EHHADH: variants seen among roughly 807,000 people sequenced by gnomAD.
The protein encoded by EHHADH is peroxisomal bifunctional enzyme.
Under a neutral mutation model 64.4 loss-of-function variants are expected in EHHADH, and 48 were observed. That is an observed-to-expected ratio of 0.75 (90% CI 0.59 to 0.95). EHHADH has a LOEUF of 0.95. EHHADH is among the 40% of genes least tolerant of loss of function. EHHADH has a pLI of 0.00. For synonymous variants in EHHADH, 308 were observed against 326.7 expected (o/e 0.94, Z 0.62); for missense variants, 854 against 876.6 (o/e 0.97, Z 0.33).
At chr3:185,245,388 A>T in intron 2 of EHHADH, 2 of 501,310 alleles carry the variant, frequency 4.0e-6, no homozygotes, top group South Asian at 3.0e-5. Flanking sequence ...ATACAATGGT[A>T]TATCCACTCT....
intron 3 of EHHADH, 52 bp downstream of exon 3, chr3:185,235,238 C>T: frequency 6.7e-7 from 1 of 1,493,546 alleles, no homozygotes; most frequent in African/African-American, 1.4e-5. Context: ...TTAGAGTTTG[C>T]CCTAAAGAAA....
intron 4 of EHHADH, among the ~76,000 whole-genome samples, chr3:185,225,806 T>C (rs566560962): frequency 6.6e-6 from 1 of 152,192 alleles, no homozygotes; most frequent in South Asian, 2.1e-4. Flanking sequence ...CTTGCTATTT[T>C]CTGTATGTGG....
chr3:185,212,279 T>C (rs1718560756), intron 5 of EHHADH, among the ~76,000 whole-genome samples: 1 of 152,226 alleles, frequency 6.6e-6, no homozygotes, highest in Non-Finnish European at 1.5e-5. Context: ...GCTAAATCCA[T>C]TGCACTGCAG....
At chr3:185,253,761 T>TAAA (rs60892892) in intron 1 of EHHADH, 188 bp downstream of exon 1, 2,598 of 1,071,336 alleles carry the variant, frequency 2.4e-3, no homozygotes, top group African/African-American at 8.0e-3. Context: ...TAATCTAGGT[T>TAAA]AAAAAAAAAA....
chr3:185,253,777 G>T (rs117669551), intron 1 of EHHADH, 172 bp downstream of exon 1: 80 of 1,175,398 alleles, frequency 6.8e-5, no homozygotes, highest in South Asian at 1.3e-4. Context: ...AAAAAAAAAA[G>T]AAAAGAAAAA....
At chr3:185,200,331 C>A (rs1306663368) in intron 6 of EHHADH, among the ~76,000 whole-genome samples, 1 of 152,042 alleles carries the variant, frequency 6.6e-6, no homozygotes, top group Non-Finnish European at 1.5e-5. Flanking sequence ...AGTTAATTTT[C>A]CAAGTGTATT....
intron 6 of EHHADH, among the ~76,000 whole-genome samples, chr3:185,194,525 T>A (rs1718001460): frequency 6.6e-6 from 1 of 151,628 alleles, no homozygotes; most frequent in African/African-American, 2.4e-5. Flanking sequence ...GGCAGGAGAA[T>A]CACTTGAACC....
intron 4 of EHHADH, among the ~76,000 whole-genome samples, chr3:185,220,937 ATAATTCTAAT>A (rs1210206640): frequency 6.6e-6 from 1 of 152,242 alleles, no homozygotes; most frequent in African/African-American, 2.4e-5. Flanking sequence ...AGACAGGTGT[ATAATTCTAAT>A]GTTAGCTTTC....
intron 6 of EHHADH, 128 bp from the exon 7 acceptor site, chr3:185,193,615 G>A (rs1382287337): frequency 2.8e-6 from 3 of 1,065,718 alleles, no homozygotes; most frequent in Non-Finnish European, 4.0e-6. Context: ...AACACAAATG[G>A]ATTGAGTACT....
At position 185,191,873 on chromosome 3, in the gene EHHADH, A is replaced by G. The variant is rs893913263; in HGVS notation, c.*353T>C. ...TGTGTGTGACATTGAAAGGAGTCAA[A>G]ATGAATGTATGACTTAGCTGCATTT... On this transcript the variant is annotated 3_prime_UTR_variant, in exon 7 of 7. Transcript: ENST00000231887. The G allele has an allele frequency of 3.1e-5, 8 of 256,196 alleles. No individual in the cohort carries two copies. Among genetic ancestry groups the G allele is most frequent in the Non-Finnish European group, 6.0e-5 (8 of 133,672 alleles). The allele number at this position is 256,196 out of a possible 1,614,324, so 15.9% of individuals were successfully genotyped here.
intron 5 of EHHADH, among the ~76,000 whole-genome samples, chr3:185,205,570 AGAAAG>A (rs1310765997): frequency 3.3e-5 from 5 of 152,228 alleles, no homozygotes; most frequent in Non-Finnish European, 5.9e-5. Flanking sequence ...ATTCAATGGA[AGAAAG>A]GAGAGTCTCT....
At chr3:185,230,237 T>C (rs1322538636) in intron 3 of EHHADH, among the ~76,000 whole-genome samples, 1 of 152,020 alleles carries the variant, frequency 6.6e-6, no homozygotes, top group Admixed American at 6.6e-5. Context: ...TAAAACAGAG[T>C]AGACACTTTG....
chr3:185,253,570 TA>T (rs1263851140), intron 1 of EHHADH, among the ~76,000 whole-genome samples: 331 of 70,208 alleles, frequency 4.7e-3, no homozygotes, highest in African/African-American at 0.012. Context: ...AAAGTATAAT[TA>T]AAAAAAAAAA....
intron 6 of EHHADH, among the ~76,000 whole-genome samples, chr3:185,203,079 TAA>T (rs11322724): frequency 6.0e-5 from 9 of 151,080 alleles, no homozygotes; most frequent in African/African-American, 1.9e-4. Context: ...TAAAGATGGT[TAA>T]AAAAAAAGAA....
intron 6 of EHHADH, among the ~76,000 whole-genome samples, chr3:185,200,969 AATG>A: frequency 6.6e-6 from 1 of 152,328 alleles, no homozygotes; most frequent in South Asian, 2.1e-4. Flanking sequence ...GAGTGGCTGA[AATG>A]ATAACTCTTA....
rs1291111720 is a variant in EHHADH at position 185,192,380 on chromosome 3, G to A, written c.2018C>T (p.Pro673Leu). Residue 673 changes from proline (P) to leucine (L), a missense_variant, in exon 7 of 7, where the codon CCC (proline) becomes CTC (leucine). By Grantham distance (98) the Pro-to-Leu change is moderately conservative. Coordinates refer to ENST00000231887, the MANE Select transcript of EHHADH (RefSeq NM_001966.4). ...PMFYASTVGL[P>L]TVLEKLQKYY... ...TTTCTGCAATTTCTCTAGAACTGTG[G>A]GCAACCCAACTGTGGAAGCATAGAA... 5.0e-6 allele frequency: 8 copies of A among 1,613,998 alleles called. No homozygotes were observed. The highest frequency in any genetic ancestry group is 3.4e-6 in the Non-Finnish European group (4 of 1,180,020).
intron 6 of EHHADH, among the ~76,000 whole-genome samples, chr3:185,198,185 G>A (rs114806645): frequency 6.6e-6 from 1 of 151,742 alleles, no homozygotes; most frequent in Non-Finnish European, 1.5e-5. Context: ...CTGTCATGCT[G>A]TTGTCCATAG....
rs1560004064 is a variant in EHHADH, at chr3:185,192,851, A to T, written c.1547T>A (p.Met516Lys). ...AAGATCAGACACTCTAAAAGGTCCC[A>T]TTTTAAAACCAAACTCTTCCAGCAC... is the stretch of plus-strand genomic sequence containing the variant. ...DQVLEEFGFKMGPFRVSDLAG... is the reference protein window; with the variant it reads ...DQVLEEFGFKKGPFRVSDLAG... Residue 516 changes from methionine to lysine, a missense_variant, in exon 7 of 7, where the codon ATG (methionine) becomes AAG (lysine). Transcript: ENST00000231887. 6.2e-7 allele frequency: 1 copy of T among 1,614,148 alleles called. No homozygotes were observed.
chr3:185,244,879 G>A (rs1336615882), intron 2 of EHHADH, among the ~76,000 whole-genome samples: 1 of 152,170 alleles, frequency 6.6e-6, no homozygotes, highest in Non-Finnish European at 1.5e-5. Context: ...TAAGCCACTT[G>A]GTTTGTGGCA....
Sources: allele counts gnomAD v4.1 joint callset (sites outside exome capture counted in the v4.1 genomes callset), GRCh38; gene constraint gnomAD v4.1.1; transcripts MANE v1.5; gene names NCBI Gene and HGNC (gene_info 2026-07-23, HGNC 2026-07-21).